Variants in PHACTR3 observed in about 807,000 individuals in gnomAD.
PHACTR3 encodes the protein protein phosphatase 1, regulatory subunit 123.
Under a neutral mutation model 66.8 loss-of-function variants are expected in PHACTR3, and 16 were observed. That is an observed-to-expected ratio of 0.24 (90% CI 0.16 to 0.36). The LOEUF is 0.36. Ranked by LOEUF, PHACTR3 falls within the 10% of genes least tolerant of loss-of-function variation. The pLI is 1.00. For synonymous variants in PHACTR3, 323 were observed against 292.1 expected (o/e 1.11, Z -1.08); for missense variants, 647 against 719.9 (o/e 0.90, Z 1.16).
chr20:59,670,563 AC>A (rs1206992230), intron 1 of PHACTR3, among the ~76,000 whole-genome samples: 3 of 119,152 alleles, frequency 2.5e-5, no homozygotes, highest in Non-Finnish European at 4.9e-5. Context: ...TCTGCATTTG[AC>A]CTTCTCTGGA....
At chr20:59,760,096 A>C (rs1395994081) in intron 4 of PHACTR3, among the ~76,000 whole-genome samples, 1 of 152,092 alleles carries the variant, frequency 6.6e-6, no homozygotes, top group Non-Finnish European at 1.5e-5. Flanking sequence ...AAAAAGCACA[A>C]GGGGCTGTCC....
intron 1 of PHACTR3, among the ~76,000 whole-genome samples, chr20:59,636,267 G>A (rs1164119219): frequency 6.6e-6 from 1 of 152,186 alleles, no homozygotes; most frequent in Non-Finnish European, 1.5e-5. Flanking sequence ...TTTAATGGGG[G>A]CATGGATCAG....
Position 59,781,542 on chromosome 20 carries a change from C to A in PHACTR3, c.1174+7052C>A, listed in dbSNP as rs6123937. On this transcript the variant is annotated intron_variant, in intron 7 of 12. Coordinates refer to ENST00000371015, the MANE Select transcript of PHACTR3 (RefSeq NM_080672.5). ...GAGACAACGCTCATGGAGGGCCTGGCCTGTGTGGGCACATGGCGCTCACGT... is the reference window on the plus strand; with the variant it reads ...GAGACAACGCTCATGGAGGGCCTGGACTGTGTGGGCACATGGCGCTCACGT... Among the ~76,000 whole-genome samples the A allele has an allele frequency of 4.3e-4, 65 of 152,268 alleles. 1 individual carries two copies. The East Asian group carries it at 0.011, about 26-fold the overall frequency.
At chr20:59,778,495 C>G (rs990838505) in intron 7 of PHACTR3, among the ~76,000 whole-genome samples, 3 of 152,220 alleles carry the variant, frequency 2.0e-5, no homozygotes, top group Admixed American at 6.5e-5. Context: ...AGGAAGCCAC[C>G]TGGCCGCTGT....
At chr20:59,843,828 GAGACTATATT>G (rs2059105599) in intron 11 of PHACTR3, 1 of 151,946 alleles carries the variant, frequency 6.6e-6, no homozygotes, top group Non-Finnish European at 1.5e-5. Context: ...ATAAACAAAT[GAGACTATATT>G]AAACTACAAA....
chr20:59,684,558 G>A (rs1366485257), intron 1 of PHACTR3, among the ~76,000 whole-genome samples: 1 of 152,168 alleles, frequency 6.6e-6, no homozygotes, highest in Non-Finnish European at 1.5e-5. Flanking sequence ...TGGTGAGGGA[G>A]GGAGTCTGCT....
intron 1 of PHACTR3, among the ~76,000 whole-genome samples, chr20:59,623,346 T>C (rs956858985): frequency 2.0e-5 from 3 of 152,114 alleles, no homozygotes; most frequent in African/African-American, 2.4e-5. Context: ...ACTATAGTAT[T>C]GTACGCACCA....
chr20:59,700,906 C>T (rs948541552), intron 1 of PHACTR3, among the ~76,000 whole-genome samples: 3 of 152,098 alleles, frequency 2.0e-5, no homozygotes, highest in African/African-American at 4.8e-5. Flanking sequence ...CCTCCCGCCT[C>T]AGCCTCCCAA....
intron 7 of PHACTR3, among the ~76,000 whole-genome samples, chr20:59,785,755 C>T (rs187903464): frequency 2.4e-4 from 36 of 152,332 alleles, no homozygotes; most frequent in Admixed American, 7.8e-4. Flanking sequence ...GCAGCACCAG[C>T]ATCTGTCCAG....
chr20:59,734,995 C>T (rs1215029500), intron 1 of PHACTR3, among the ~76,000 whole-genome samples: 1 of 152,056 alleles, frequency 6.6e-6, no homozygotes, highest in Non-Finnish European at 1.5e-5. Context: ...TTAGTTTTCT[C>T]AGTGGTCACT....
rs115877250 is a variant in PHACTR3 at position 59,584,712 on chromosome 20, G to A, written c.109+7095G>A. On this transcript the variant is annotated intron_variant, in intron 1 of 12. Transcript: ENST00000359926. ...AGCCAGGCCTCCACCTTCACTCCCC[G>A]GCCTTCACCCGTGCTGCTCCTTCTG... Among the ~76,000 whole-genome samples the A allele has an allele frequency of 2.3e-3, 351 of 152,080 alleles. 1 individual carries two copies. The highest frequency in any genetic ancestry group is 8.2e-3 in the African/African-American group (341 of 41,494).
intron 5 of PHACTR3, among the ~76,000 whole-genome samples, chr20:59,771,537 C>T (rs370274258): frequency 1.3e-5 from 2 of 152,084 alleles, no homozygotes; most frequent in Non-Finnish European, 2.9e-5. Context: ...ACCACCTCCC[C>T]CCGACCAGCC....
At chr20:59,752,559 T>TCCTGCAAGAAGTCCTTGGAAAA (rs1555832482) in intron 3 of PHACTR3, among the ~76,000 whole-genome samples, 8 of 148,770 alleles carry the variant, frequency 5.4e-5, no homozygotes. Context: ...CCCAGAGAAG[T>TCCTGCAAGAAGTCCTTGGAAAA]CCTGCAAGAA....
chr20:59,616,903 G>A (rs1265854864), intron 1 of PHACTR3, among the ~76,000 whole-genome samples: 1 of 152,046 alleles, frequency 6.6e-6, no homozygotes, highest in Non-Finnish European at 1.5e-5. Context: ...CATGCCATGT[G>A]GGGTAAGCTC....
At chr20:59,743,369 C>G in intron 2 of PHACTR3, 101 bp downstream of exon 2, 2 of 1,399,394 alleles carry the variant, frequency 1.4e-6, no homozygotes, top group Non-Finnish European at 2.0e-6. Flanking sequence ...GGCCCCTACA[C>G]AGGAGGGGCA....
chr20:59,752,837 G>A (rs558237126), intron 3 of PHACTR3, among the ~76,000 whole-genome samples: 2 of 152,294 alleles, frequency 1.3e-5, no homozygotes, highest in Admixed American at 6.5e-5. Flanking sequence ...TGTCACATAG[G>A]GTAGGTGTGA....
chr20:59,785,842 G>A (rs149287112), intron 7 of PHACTR3, among the ~76,000 whole-genome samples: 1 of 119,038 alleles, frequency 8.4e-6, no homozygotes, highest in African/African-American at 3.1e-5. Flanking sequence ...TTGTTTTCCA[G>A]CAGCCCTCTG....
intron 1 of PHACTR3, among the ~76,000 whole-genome samples, chr20:59,677,871 G>T (rs2036505451): frequency 6.6e-6 from 1 of 151,188 alleles, no homozygotes; most frequent in South Asian, 2.1e-4. Flanking sequence ...ATAATCAAGA[G>T]TGTATTGTTT....
chr20:59,743,647 C>T (rs1306556969), intron 2 of PHACTR3, among the ~76,000 whole-genome samples: 2 of 152,234 alleles, frequency 1.3e-5, no homozygotes, highest in Admixed American at 6.5e-5. Flanking sequence ...GGTGAGCCCC[C>T]AGCCCACGCG....
Sources: allele counts gnomAD v4.1 joint callset (sites outside exome capture counted in the v4.1 genomes callset), GRCh38; gene constraint gnomAD v4.1.1; transcripts MANE v1.5; gene names NCBI Gene and HGNC (gene_info 2026-07-23, HGNC 2026-07-21).